Variants in ASCL3 observed in about 807,000 individuals in gnomAD.
ASCL3 encodes the protein achaete-scute homolog 3.
ASCL3 carries 1 observed loss-of-function variant against 2.3 expected under a neutral mutation model. The ratio of observed to expected loss-of-function variants is 0.44; its 90% CI spans 0.16 to 2.10. The LOEUF is 2.10. Ranked by LOEUF, ASCL3 falls within the 30% of genes most tolerant of loss-of-function variation. The probability of loss-of-function intolerance (pLI) is 0.28; values close to 1 mark genes in which losing one functional copy is unlikely to be tolerated. For missense variants in ASCL3, 243 were observed against 229.0 expected (o/e 1.06, Z -0.40); for synonymous variants, 98 against 88.5 (o/e 1.11, Z -0.60).
At chr11:8,938,803 T>A (rs545570457) in intron 1 of ASCL3, among the ~76,000 whole-genome samples, 1 of 151,334 alleles carries the variant, frequency 6.6e-6, no homozygotes, top group East Asian at 1.9e-4. Context: ...AGAATTCTTT[T>A]TTTTTTTTTT....
chr11:8,938,409 C>G (rs1394609298), intron 1 of ASCL3, among the ~76,000 whole-genome samples: 1 of 151,944 alleles, frequency 6.6e-6, no homozygotes, highest in Non-Finnish European at 1.5e-5. Context: ...TGCCACTGCA[C>G]CCAGCTAATT....
chr11:8,938,203 G>A (rs756543742), intron 1 of ASCL3, 30 bp from the exon 2 acceptor site: 2 of 1,491,934 alleles, frequency 1.3e-6, no homozygotes, highest in Admixed American at 2.0e-5. Flanking sequence ...TAACAATGTG[G>A]TCAGATAGAG....
chr11:8,940,998 C>A (rs1402239499), intron 1 of ASCL3, among the ~76,000 whole-genome samples: 11 of 152,126 alleles, frequency 7.2e-5, no homozygotes, highest in Admixed American at 7.2e-4. Context: ...CCCCCAGGTA[C>A]AGAGGAGTGA....
At chr11:8,940,199 C>T (rs1019819407) in intron 1 of ASCL3, among the ~76,000 whole-genome samples, 1 of 121,232 alleles carries the variant, frequency 8.2e-6, no homozygotes, top group Non-Finnish European at 1.9e-5. Flanking sequence ...GATTTTAAAC[C>T]TCCTAGCTTC....
intron 1 of ASCL3, among the ~76,000 whole-genome samples, 99 bp downstream of exon 1, chr11:8,942,887 G>A (rs1853722398): frequency 6.6e-6 from 1 of 152,114 alleles, no homozygotes; most frequent in Admixed American, 6.6e-5. Flanking sequence ...TAATCCGATA[G>A]CTGACAAAAT....
chr11:8,938,328 C>T (rs959571847), intron 1 of ASCL3, 155 bp from the exon 2 acceptor site: 1 of 590,254 alleles, frequency 1.7e-6, no homozygotes, highest in East Asian at 3.1e-5. Context: ...CGGCTCACTG[C>T]AACTTCTGCC....
Position 8,937,699 on chromosome 11 carries a change from C to T in ASCL3, c.463G>A (p.Glu155Lys). The change falls in exon 2 of 2, where the codon GAG (glutamate) becomes AAG (lysine). Residue 155 changes from glutamate to lysine, a missense_variant. Coordinates refer to ENST00000531618, the MANE Select transcript of ASCL3 (RefSeq NM_020646.3). ...LQSLLYPDKA[E>K]TKNNPGKVSS... is the part of the protein sequence containing the mutation. ...ACTTTTCCAGGGTTATTCTTGGTCT[C>T]AGCTTTATCAGGGTACAGAAGAGAC... is the stretch of plus-strand genomic sequence containing the variant. The T allele has an allele frequency of 6.2e-7, 1 of 1,614,088 alleles. No homozygotes were observed. Among genetic ancestry groups the T allele is most frequent in the Non-Finnish European group, 8.5e-7 (1 of 1,179,988 alleles).
chr11:8,942,366 A>C (rs1204532989), intron 1 of ASCL3, among the ~76,000 whole-genome samples: 1 of 152,160 alleles, frequency 6.6e-6, no homozygotes, highest in Non-Finnish European at 1.5e-5. Context: ...TAGAAAGCCT[A>C]GTGGGGTCTG....
chr11:8,938,632 T>C (rs548843627), intron 1 of ASCL3, among the ~76,000 whole-genome samples: 1 of 152,216 alleles, frequency 6.6e-6, no homozygotes, highest in South Asian at 2.1e-4. Flanking sequence ...TATAATATTC[T>C]GTGTGTAGTA....
At chr11:8,939,621 A>T (rs2064696852) in intron 1 of ASCL3, among the ~76,000 whole-genome samples, 1 of 152,198 alleles carries the variant, frequency 6.6e-6, no homozygotes, top group Non-Finnish European at 1.5e-5. Flanking sequence ...ATAATAGTAC[A>T]GGTGGAACAA....
intron 1 of ASCL3, among the ~76,000 whole-genome samples, chr11:8,941,404 G>A (rs1005051832): frequency 6.6e-6 from 1 of 151,680 alleles, no homozygotes; most frequent in African/African-American, 2.4e-5. Flanking sequence ...AGATAATATT[G>A]GCACTTGTTT....
At chr11:8,939,261 C>T (rs1175559540) in intron 1 of ASCL3, among the ~76,000 whole-genome samples, 3 of 151,852 alleles carry the variant, frequency 2.0e-5, no homozygotes, top group Admixed American at 2.0e-4. Flanking sequence ...TTTTTTGAGA[C>T]AGAGTCTCGC....
chr11:8,938,267 C>T (rs1008507520), intron 1 of ASCL3, 94 bp from the exon 2 acceptor site: 98 of 1,185,384 alleles, frequency 8.3e-5, no homozygotes, highest in Non-Finnish European at 1.0e-4. Flanking sequence ...TTTTATTTTT[C>T]GAGATGGAGT....
intron 1 of ASCL3, among the ~76,000 whole-genome samples, chr11:8,939,144 A>G (rs1439168571): frequency 3.3e-5 from 5 of 152,126 alleles, no homozygotes; most frequent in Non-Finnish European, 7.4e-5. Flanking sequence ...AAAGCCTTCA[A>G]CAAGCAATAG....
At chr11:8,941,534 G>T (rs946933318) in intron 1 of ASCL3, among the ~76,000 whole-genome samples, 22 of 138,444 alleles carry the variant, frequency 1.6e-4, no homozygotes, top group African/African-American at 5.7e-4. Flanking sequence ...GGCAGCAGGG[G>T]CAGGGGTGCC....
intron 1 of ASCL3, among the ~76,000 whole-genome samples, chr11:8,938,519 GATTACA>G (rs139294577): frequency 0.02 from 3,064 of 152,190 alleles, 74 homozygotes; most frequent in East Asian, 0.082. Flanking sequence ...AAAGTGCTGG[GATTACA>G]GGTGTGAGCC....
intron 1 of ASCL3, among the ~76,000 whole-genome samples, 179 bp downstream of exon 1, chr11:8,942,807 T>A (rs1346703946): frequency 6.6e-6 from 1 of 152,190 alleles, no homozygotes; most frequent in Non-Finnish European, 1.5e-5. Flanking sequence ...CTCTTCTAGA[T>A]GATTTAATTG....
intron 1 of ASCL3, among the ~76,000 whole-genome samples, chr11:8,939,822 A>G (rs1251041183): frequency 6.6e-6 from 1 of 152,058 alleles, no homozygotes; most frequent in African/African-American, 2.4e-5. Context: ...AAAAGGAATC[A>G]TTTGCTCTTA....
rs141980368 is a variant in ASCL3 at position 8,937,749 on chromosome 11, G to A, written c.413C>T (p.Ala138Val). 2.5e-4 allele frequency: 396 copies of A among 1,614,006 alleles called. 1 individual carries two copies. The African/African-American group carries it at 4.3e-3, about 17-fold the overall frequency. Residue 138 changes from alanine to valine, a missense_variant, in exon 2 of 2, where the codon GCG (alanine) becomes GTG (valine). Physicochemically the swap from Ala to Val is moderately conservative, Grantham distance 64. Coordinates refer to ENST00000531618, the MANE Select transcript of ASCL3 (RefSeq NM_020646.3). ...CTGCAGGTAGTTAATGTACTTGATC[G>A]CAGCTCTGAGGGTTTCCACTTTGCT... ...RLSKVETLRA[A>V]IKYINYLQSL...
Sources: gnomAD v4.1 joint callset for allele counts (sites outside exome capture counted in the v4.1 genomes callset) on GRCh38, gnomAD v4.1.1 for gene constraint, MANE v1.5 for transcripts, NCBI Gene and HGNC (gene_info 2026-07-23, HGNC 2026-07-21) for gene names.